The following REPS1 variants were observed in gnomAD, a reference collection of about 807,000 sequenced individuals.
The protein encoded by REPS1 is ralBP1-associated Eps domain-containing protein 1.
A neutral mutation model predicts 100.9 loss-of-function variants in REPS1; 39 were observed. That is an observed-to-expected ratio of 0.39 (90% confidence interval 0.30 to 0.50). REPS1 has a LOEUF of 0.50. Among genes scored for constraint, REPS1 ranks in the 20% least tolerant of loss-of-function variants. The pLI is 0.86. For synonymous variants in REPS1, 324 were observed against 340.3 expected, an observed-to-expected ratio of 0.95 and a Z score of 0.53; for missense variants, 821 against 968.5, an observed-to-expected ratio of 0.85 and a Z score of 2.02.
intron 8 of REPS1, among the ~76,000 whole-genome samples, chr6:138,937,121 A>G (rs142665909): frequency 0.016 from 2,409 of 149,442 alleles, 39 homozygotes; most frequent in Non-Finnish European, 0.027. Context: ...AACTCCCCTT[A>G]TAATACCATC....
chr6:138,976,597 A>G (rs187776062), intron 1 of REPS1, among the ~76,000 whole-genome samples: 40 of 152,286 alleles, frequency 2.6e-4, no homozygotes, highest in African/African-American at 9.4e-4. Context: ...GAGGTATTAT[A>G]TTTCTATAAT....
Position 138,969,832 on chromosome 6 carries a change from TAAAG to T in REPS1, c.153+17694_153+17697del, listed in dbSNP as rs144357099. 3.5e-3 allele frequency among the ~76,000 whole-genome samples: 503 copies of T among 145,656 alleles called. 3 individuals carry two copies. In the East Asian group the frequency reaches 0.054, roughly 16 times the overall value. ...GTACTTGGCCCCTGTAAGAATTAAA[TAAAG>T]AAAGAGGTTACTGTGAATTGGGATT... On this transcript the variant is annotated intron_variant, in intron 1 of 19. Transcript: ENST00000450536.
At position 138,914,683 on chromosome 6, in the gene REPS1, C is replaced by T. The variant is rs1393527471; in HGVS notation, c.1785+14G>A. ...ATCATGGGACATTTAGTAATAAATACCTTGGAGAATTACCTGTGAGGGCTG... is the reference window on the plus strand; with the variant it reads ...ATCATGGGACATTTAGTAATAAATATCTTGGAGAATTACCTGTGAGGGCTG... On this transcript the variant is annotated intron_variant, in intron 15 of 19. Transcript: ENST00000450536. The T allele has an allele frequency of 1.2e-6, 2 of 1,604,690 alleles. No individual in the cohort carries two copies. The highest frequency in any genetic ancestry group is 3.3e-5 in the Admixed American group (2 of 59,956).
At position 138,943,916 on chromosome 6, in the gene REPS1, G is replaced by T; in HGVS notation, c.853C>A (p.Gln285Lys). The T allele has an allele frequency of 6.2e-7, 1 of 1,613,618 alleles. No homozygotes were observed. Among genetic ancestry groups the T allele is most frequent in the Non-Finnish European group, 8.5e-7 (1 of 1,179,674 alleles). Residue 285 changes from glutamine (Q) to lysine (K), a missense_variant, in exon 6 of 20, where the codon CAA (glutamine) becomes AAA (lysine). Transcript: ENST00000450536. Reference sequence around the variant, plus strand: ...AACTGATTTACATAATACTGTCTTTGTTCATCTGTTATTTTCCAGGGATCA... The same window carrying T: ...AACTGATTTACATAATACTGTCTTTTTTCATCTGTTATTTTCCAGGGATCA... ...YDDPWKITDEQRQYYVNQFKT... is the reference protein window; with the variant it reads ...YDDPWKITDEKRQYYVNQFKT...
chr6:138,945,850 C>A (rs1392639981), intron 2 of REPS1, among the ~76,000 whole-genome samples, 153 bp from the exon 3 acceptor site: 1 of 152,134 alleles, frequency 6.6e-6, no homozygotes, highest in Non-Finnish European at 1.5e-5. Context: ...TTTGGACCAC[C>A]ATCTCCCTTA....
At chr6:138,972,727 C>T (rs1003294402) in intron 1 of REPS1, among the ~76,000 whole-genome samples, 2 of 150,096 alleles carry the variant, frequency 1.3e-5, no homozygotes, top group East Asian at 3.9e-4. Context: ...CTTGAAGTAA[C>T]GATTGCTTAA....
At chr6:138,947,035 G>GCT (rs10581264) in intron 2 of REPS1, among the ~76,000 whole-genome samples, 14,416 of 137,350 alleles carry the variant, frequency 0.1, 829 homozygotes, top group East Asian at 0.24. Flanking sequence ...ATTCCCCCTT[G>GCT]CTCTCTCTCT....
At chr6:138,942,390 G>A (rs1782321181) in intron 7 of REPS1, among the ~76,000 whole-genome samples, 1 of 152,112 alleles carries the variant, frequency 6.6e-6, no homozygotes, top group Non-Finnish European at 1.5e-5. Flanking sequence ...TTAGAATATA[G>A]AGAAATAACA....
At position 138,912,823 on chromosome 6, in the gene REPS1, G is replaced by A; in HGVS notation, c.1913C>T (p.Ala638Val). The change falls in exon 16 of 20, where the codon GCA becomes GTA. Residue 638 changes from alanine to valine, a missense_variant. This residue lies in a region of REPS1 where 757 missense variants were observed against 866.4 expected (regional missense o/e 0.87). Transcript: ENST00000450536. ...ADFSQFEVFA[A>V]SNVNDEQDDE... Reference sequence around the variant, plus strand: ...ATCTTGTTCGTCGTTTACATTTGATGCAGCAAATACTTCAAACTGACTGAA... The same window carrying A: ...ATCTTGTTCGTCGTTTACATTTGATACAGCAAATACTTCAAACTGACTGAA... The A allele has an allele frequency of 6.2e-7, 1 of 1,614,154 alleles. No individual in the cohort carries two copies. The highest frequency in any genetic ancestry group is 1.1e-5 in the South Asian group (1 of 91,080).
At chr6:138,917,672 CTTT>C in intron 12 of REPS1, 45 bp from the exon 13 acceptor site, 1 of 1,509,106 alleles carries the variant, frequency 6.6e-7, no homozygotes. Context: ...CATTTCTTTA[CTTT>C]TTGCTCTATC....
At chr6:138,915,833 T>C (rs747138334) in intron 14 of REPS1, 25 bp downstream of exon 14, 10 of 1,425,166 alleles carry the variant, frequency 7.0e-6, no homozygotes, top group Non-Finnish European at 9.9e-6. Flanking sequence ...AATGATAATG[T>C]ATATTATGGT....
chr6:138,917,343 A>G (rs935616194), intron 13 of REPS1, among the ~76,000 whole-genome samples: 5 of 152,218 alleles, frequency 3.3e-5, no homozygotes, highest in Non-Finnish European at 7.3e-5. Context: ...CTCTTTTTAG[A>G]GCTTCCACAA....
chr6:138,987,433 C>A, intron 1 of REPS1, 97 bp downstream of exon 1: 1 of 1,282,538 alleles, frequency 7.8e-7, no homozygotes, highest in African/African-American at 1.6e-5. Flanking sequence ...AGGAACCAGC[C>A]CCCCGCCGGG....
At chr6:138,969,998 G>A (rs927426049) in intron 1 of REPS1, among the ~76,000 whole-genome samples, 1 of 151,598 alleles carries the variant, frequency 6.6e-6, no homozygotes, top group African/African-American at 2.4e-5. Context: ...TGTAGTGGTG[G>A]CTAGGTGGTA....
In REPS1 at chr6:138,941,376, T is replaced by C; in HGVS notation, c.1094A>G (p.Glu365Gly). The stretch of plus-strand genomic sequence containing the variant: ...ATCAATCAGTTTGGGCATTAAGCTT[T>C]CAGGAAGTTTTTCTGGTAAATCATA... ...NGYDLPEKLP[E>G]SLMPKLIDLE... Residue 365 changes from glutamate (E) to glycine (G), a missense_variant, in exon 8 of 20, where the codon GAA becomes GGA. Glu to Gly is a moderately conservative substitution (Grantham distance 98). Coordinates refer to ENST00000450536, the MANE Select transcript of REPS1 (RefSeq NM_001286611.2). The C allele has an allele frequency of 6.2e-7, 1 of 1,614,114 alleles. No homozygotes were observed. The highest frequency in any genetic ancestry group is 8.5e-7 in the Non-Finnish European group (1 of 1,179,994).
At chr6:138,952,077 C>T (rs1258253456) in intron 1 of REPS1, among the ~76,000 whole-genome samples, 3 of 152,140 alleles carry the variant, frequency 2.0e-5, no homozygotes, top group Non-Finnish European at 4.4e-5. Context: ...ATACTGAAAA[C>T]TACCATGCTT....
At chr6:138,924,366 T>A (rs1393833897) in intron 10 of REPS1, among the ~76,000 whole-genome samples, 2 of 152,216 alleles carry the variant, frequency 1.3e-5, no homozygotes, top group East Asian at 3.8e-4. Context: ...ATGAGCCACA[T>A]AATTTTAGAC....
intron 1 of REPS1, among the ~76,000 whole-genome samples, chr6:138,957,298 G>T (rs528187871): frequency 9.2e-5 from 14 of 152,146 alleles, no homozygotes; most frequent in Non-Finnish European, 1.6e-4. Context: ...ATTAGAAATG[G>T]CGGAGAAGTG....
rs781341396 is a variant in REPS1, at chr6:138,908,700, A to T, written c.2184T>A (p.Ala728=). ...TAGAAGGTTGTGATGCAAGAACAGCAGCTAAGACACCCGTCTTTTGTGTAT... is the reference window on the plus strand; with the variant it reads ...TAGAAGGTTGTGATGCAAGAACAGCTGCTAAGACACCCGTCTTTTGTGTAT... The part of the protein sequence containing the change: ...DEHTQKTGVL[A]AVLASQPSIP... The change falls in exon 18 of 20, where the codon GCT becomes GCA. Residue 728 remains alanine (A), a synonymous_variant. Coordinates refer to ENST00000450536, the MANE Select transcript of REPS1 (RefSeq NM_001286611.2). The T allele has an allele frequency of 6.2e-7, 1 of 1,614,200 alleles. No homozygotes were observed. The highest frequency in any genetic ancestry group is 8.5e-7 in the Non-Finnish European group (1 of 1,180,030).
Sources: gnomAD v4.1 joint callset for allele counts (sites outside exome capture counted in the v4.1 genomes callset) on GRCh38, gnomAD v4.1.1 for gene constraint, gnomAD v4.1.1 regional missense constraint, MANE v1.5 for transcripts, NCBI Gene and HGNC (gene_info 2026-07-23, HGNC 2026-07-21) for gene names.